The following EYS variants were observed in gnomAD, a reference collection of about 807,000 sequenced individuals.
EYS encodes the protein protein eyes shut homolog.
A neutral mutation model predicts 282.1 loss-of-function variants in EYS; 250 were observed. That is an observed-to-expected ratio of 0.89 (90% CI 0.80 to 0.98). The LOEUF is 0.98. Among genes scored for constraint, EYS ranks in the 50% least tolerant of loss-of-function variants. The pLI is 0.00. For synonymous variants in EYS, 1,355 were observed against 1,282.9 expected (o/e 1.06, Z -1.20); for missense variants, 4,016 against 3,709.0 (o/e 1.08, Z -2.15).
At chr6:65,271,127 A>ATT (rs1767887529) in intron 12 of EYS, among the ~76,000 whole-genome samples, 8 of 6,276 alleles carry the variant, frequency 1.3e-3, no homozygotes, top group Non-Finnish European at 1.3e-3. Flanking sequence ...GAATCAATAG[A>ATT]TTATATATAT....
At chr6:64,524,933 T>C (rs1412554187) in intron 26 of EYS, among the ~76,000 whole-genome samples, 1 of 151,710 alleles carries the variant, frequency 6.6e-6, no homozygotes, top group African/African-American at 2.4e-5. Flanking sequence ...AAAAACTCAA[T>C]ACCCCCAATT....
intron 26 of EYS, among the ~76,000 whole-genome samples, chr6:64,439,795 T>A (rs1000477709): frequency 3.3e-5 from 5 of 151,852 alleles, no homozygotes; most frequent in Admixed American, 2.0e-4. Context: ...ATTAACACTC[T>A]AAATTATATG....
intron 28 of EYS, among the ~76,000 whole-genome samples, chr6:64,389,603 A>G (rs1457694533): frequency 2.6e-5 from 4 of 152,206 alleles, no homozygotes; most frequent in Non-Finnish European, 4.4e-5. Flanking sequence ...TCATAACAGA[A>G]TTGAATAATT....
chr6:64,466,304 T>A (rs1204747011), intron 26 of EYS, among the ~76,000 whole-genome samples: 1 of 152,138 alleles, frequency 6.6e-6, no homozygotes, highest in Non-Finnish European at 1.5e-5. Flanking sequence ...TGCACCCCCA[T>A]GTTTATTGCA....
At position 64,529,569 on chromosome 6, in the gene EYS, C is replaced by T. The variant is rs145476896; in HGVS notation, c.5644+60654G>A. Among the ~76,000 whole-genome samples the T allele has an allele frequency of 4.4e-4, 66 of 150,550 alleles. 1 individual carries two copies. The highest frequency in any genetic ancestry group is 1.5e-3 in the African/African-American group (62 of 41,384). ...GTCTAGTTCAACATTTAATGGACAT[C>T]TCTTATGTGTCACCAACTATAAGAA... On this transcript the variant is annotated intron_variant, in intron 26 of 42. Coordinates refer to ENST00000503581, the MANE Select transcript of EYS (RefSeq NM_001142800.2).
At chr6:64,616,099 C>T (rs553694468) in intron 24 of EYS, among the ~76,000 whole-genome samples, 1 of 152,000 alleles carries the variant, frequency 6.6e-6, no homozygotes, top group South Asian at 2.1e-4. Context: ...TTTATGAAAA[C>T]ATATCATATG....
intron 22 of EYS, among the ~76,000 whole-genome samples, chr6:64,758,934 A>C (rs975817858): frequency 2.0e-5 from 3 of 152,104 alleles, no homozygotes; most frequent in African/African-American, 2.4e-5. Context: ...GTCAGGAGAT[A>C]GAGACCATCC....
chr6:65,528,293 A>T (rs796401655), intron 2 of EYS, among the ~76,000 whole-genome samples: 1 of 152,212 alleles, frequency 6.6e-6, no homozygotes, highest in Admixed American at 6.5e-5. Flanking sequence ...AATAGAATTG[A>T]TAACTACAAT....
At chr6:65,647,782 A>G (rs1054797077) in intron 1 of EYS, among the ~76,000 whole-genome samples, 26 of 152,146 alleles carry the variant, frequency 1.7e-4, no homozygotes, top group African/African-American at 6.0e-4. Context: ...CCAACAAAGG[A>G]CTAATATGCA....
At chr6:64,999,166 G>A (rs9354199) in intron 13 of EYS, among the ~76,000 whole-genome samples, 10,309 of 152,226 alleles carry the variant, frequency 0.068, 441 homozygotes, top group East Asian at 0.13. Flanking sequence ...TGGACTAAGT[G>A]CCAGAAGAGA....
At chr6:65,182,062 T>G (rs1428446311) in intron 12 of EYS, among the ~76,000 whole-genome samples, 1 of 151,178 alleles carries the variant, frequency 6.6e-6, no homozygotes, top group Non-Finnish European at 1.5e-5. Flanking sequence ...CTGTTTTGGG[T>G]AGGGGTAGGG....
intron 13 of EYS, among the ~76,000 whole-genome samples, chr6:65,041,342 A>G (rs909363859): frequency 6.6e-6 from 1 of 151,664 alleles, no homozygotes; most frequent in Non-Finnish European, 1.5e-5. Context: ...TGTTCTCTCT[A>G]CCATGAGGTA....
chr6:64,859,842 A>G (rs1315159262), intron 19 of EYS, among the ~76,000 whole-genome samples: 1 of 152,206 alleles, frequency 6.6e-6, no homozygotes, highest in Non-Finnish European at 1.5e-5. Flanking sequence ...ATATTGTGAA[A>G]ATGTTCATGT....
At chr6:65,137,499 G>C (rs192999692) in intron 12 of EYS, among the ~76,000 whole-genome samples, 5 of 152,066 alleles carry the variant, frequency 3.3e-5, no homozygotes, top group Non-Finnish European at 7.4e-5. Flanking sequence ...GCCAGAGATG[G>C]AATGGAGAAT....
At chr6:63,839,343 T>G (rs1186072207) in intron 36 of EYS, among the ~76,000 whole-genome samples, 2 of 152,234 alleles carry the variant, frequency 1.3e-5, no homozygotes, top group Non-Finnish European at 2.9e-5. Context: ...CTTATTTCAC[T>G]TAACATAATG....
intron 18 of EYS, among the ~76,000 whole-genome samples, chr6:64,893,946 A>G (rs1241654194): frequency 6.6e-6 from 1 of 151,946 alleles, no homozygotes; most frequent in African/African-American, 2.4e-5. Context: ...CATTCAATTA[A>G]TTATCCTCCA....
intron 11 of EYS, among the ~76,000 whole-genome samples, chr6:65,317,828 T>TCCAG (rs1320717116): frequency 2.1e-4 from 8 of 38,782 alleles, no homozygotes; most frequent in African/African-American, 6.0e-4. Context: ...CTTCCTTCCT[T>TCCAG]TCTTTCTTTC....
chr6:63,928,170 C>A (rs151216311), intron 35 of EYS, among the ~76,000 whole-genome samples: 21 of 152,264 alleles, frequency 1.4e-4, no homozygotes, highest in African/African-American at 4.8e-4. Context: ...TGCTAGACAA[C>A]ACTGGCTTGT....
intron 12 of EYS, among the ~76,000 whole-genome samples, chr6:65,074,370 T>C (rs1561952739): frequency 1.3e-5 from 2 of 152,062 alleles, no homozygotes; most frequent in South Asian, 2.1e-4. Context: ...ATGAATTCCG[T>C]GCAGCCCTGC....
Sources: gnomAD v4.1 joint callset for allele counts (sites outside exome capture counted in the v4.1 genomes callset) on GRCh38, gnomAD v4.1.1 for gene constraint, MANE v1.5 for transcripts, NCBI Gene and HGNC (gene_info 2026-07-23, HGNC 2026-07-21) for gene names.